The following DISP3 variants were observed in gnomAD, a reference collection of about 807,000 sequenced individuals.
DISP3 encodes the protein protein dispatched homolog 3.
A neutral mutation model predicts 135.3 loss-of-function variants in DISP3; 101 were observed. The ratio of observed to expected loss-of-function variants is 0.75; its 90% CI spans 0.64 to 0.88. The LOEUF is 0.88. DISP3 is among the 40% of genes least tolerant of loss of function. The probability of loss-of-function intolerance (pLI) is 0.00; values close to 1 mark genes in which losing one functional copy is unlikely to be tolerated. For synonymous variants in DISP3, 856 were observed against 817.0 expected (o/e 1.05, Z -0.81); for missense variants, 1,713 against 1,878.6 (o/e 0.91, Z 1.63).
chr1:11,502,555 T>G, intron 2 of DISP3, 123 bp from the exon 3 acceptor site: 1 of 758,720 alleles, frequency 1.3e-6, no homozygotes. Flanking sequence ...GGGTGGAGTT[T>G]TGGTGGATAT....
chr1:11,511,118 T>G lies in DISP3; in HGVS notation c.1317-3272T>G, dbSNP rs139087285. On this transcript the variant is annotated intron_variant, in intron 3 of 20. Transcript: ENST00000294484. ...CACATGGGAATTCTGGGAGATGCAA[T>G]TCAAGTTGAGATTTAGGTCAGGACA... is the stretch of plus-strand genomic sequence containing the variant. 6.4e-3 allele frequency among the ~76,000 whole-genome samples: 976 copies of G among 152,308 alleles called. 11 individuals carry two copies. Among genetic ancestry groups the G allele is most frequent in the African/African-American group, 0.022 (926 of 41,554 alleles).
chr1:11,515,554 C>T lies in DISP3; in HGVS notation c.1588+51C>T, dbSNP rs200669985. 18 of 1,555,282 alleles carry T rather than the reference C, an allele frequency of 1.2e-5. 1 individual carries two copies. The highest frequency in any genetic ancestry group is 8.7e-7 in the Non-Finnish European group (1 of 1,151,950). ...GTGCGCCTCCCACATGGGAAGTCTGCCCCATCCCCTTTCTCCCTGGATACA... is the reference window on the plus strand; with the variant it reads ...GTGCGCCTCCCACATGGGAAGTCTGTCCCATCCCCTTTCTCCCTGGATACA... On this transcript the variant is annotated intron_variant, in intron 5 of 20. Coordinates refer to ENST00000294484, the MANE Select transcript of DISP3 (RefSeq NM_020780.2).
chr1:11,523,951 A>G lies in DISP3; in HGVS notation c.2372A>G (p.Gln791Arg). The change falls in exon 11 of 21, where the codon CAG becomes CGG. Residue 791 changes from glutamine (Q) to arginine (R), a missense_variant. Around this residue, in one of 2 missense-constraint regions of DISP3, gnomAD observed 1,142 missense variants for 1,384.6 expected, o/e 0.82. Transcript: ENST00000294484. ...TGGCGCTGGGGGGCAGGTCTGTTCC[A>G]GGAGAAGCCCCACAGCCTGCAGAAC... is the stretch of plus-strand genomic sequence containing the variant. Reference protein sequence around the residue: ...ISCITCSGLFQEKPHSLQNNI... With the variant: ...ISCITCSGLFREKPHSLQNNI... 1 of 1,612,424 alleles carries G rather than the reference A, an allele frequency of 6.2e-7. No individual in the cohort carries two copies. The highest frequency in any genetic ancestry group is 8.5e-7 in the Non-Finnish European group (1 of 1,179,296).
rs767167574 is a variant in DISP3, at chr1:11,525,187, A to G, written c.2488A>G (p.Thr830Ala). 5.6e-6 allele frequency: 9 copies of G among 1,613,688 alleles called. No individual in the cohort carries two copies. In the South Asian group the frequency reaches 9.9e-5, roughly 18 times the overall value. Residue 830 changes from threonine to alanine, a missense_variant, in exon 12 of 21, where the codon ACC (threonine) becomes GCC (alanine). Transcript: ENST00000294484. ...TTATTTGTCCGTAGATTTCCCAGGC[A>G]CCGTGTACATCTCTAAAGTGAAGAG... ...PEATLQDFPGTVYISKVKSQG... is the reference protein window; with the variant it reads ...PEATLQDFPGAVYISKVKSQG...
At chr1:11,486,221 G>A (rs559908602) in intron 1 of DISP3, among the ~76,000 whole-genome samples, 2 of 152,268 alleles carry the variant, frequency 1.3e-5, no homozygotes, top group South Asian at 2.1e-4. Context: ...GGACATGATC[G>A]TGTGTGGGGA....
Position 11,515,995 on chromosome 1 carries a change from C to T in DISP3, c.1589-6C>T. On this transcript the variant is annotated splice_polypyrimidine_tract_variant and splice_region_variant and intron_variant, in intron 5 of 20. Coordinates refer to ENST00000294484, the MANE Select transcript of DISP3 (RefSeq NM_020780.2). ...CCTGAGCCTGGCTGGGGACTCCCTC[C>T]CACAGGTGTGGACGATGTCTTTGTG... 6.2e-7 allele frequency: 1 copy of T among 1,613,490 alleles called. No homozygotes were observed. Among genetic ancestry groups the T allele is most frequent in the Non-Finnish European group, 8.5e-7 (1 of 1,179,666 alleles).
chr1:11,522,659 AG>A (rs2100483869), intron 10 of DISP3, among the ~76,000 whole-genome samples: 1 of 134,606 alleles, frequency 7.4e-6, no homozygotes, highest in Admixed American at 7.3e-5. Context: ...GGGCCCAGCC[AG>A]AGCCCAGCCA....
intron 1 of DISP3, among the ~76,000 whole-genome samples, chr1:11,498,042 G>A (rs1641389530): frequency 6.6e-6 from 1 of 152,228 alleles, no homozygotes; most frequent in Non-Finnish European, 1.5e-5. Context: ...CTCACTGGGA[G>A]GTGGAGTGGC....
Position 11,500,176 on chromosome 1 carries a change from C to T in DISP3, c.-3-814C>T, listed in dbSNP as rs185478141. On this transcript the variant is annotated intron_variant, in intron 1 of 20. Transcript: ENST00000294484. ...TGCTGGAGCTGCATATTAAGTGGCC[C>T]GAGCCTGACAAACAGTGCTGCAGCT... Among the ~76,000 whole-genome samples, 14 of 152,312 alleles carry T rather than the reference C, an allele frequency of 9.2e-5. No individual in the cohort carries two copies. In the East Asian group the frequency reaches 2.3e-3, roughly 25 times the overall value.
intron 18 of DISP3, 29 bp downstream of exon 18, chr1:11,534,569 G>A: frequency 3.2e-6 from 5 of 1,580,438 alleles, no homozygotes; most frequent in South Asian, 1.2e-5. Context: ...CCTCCATCCT[G>A]GGTGGGCAGG....
rs747974729 is a variant in DISP3, at chr1:11,535,647, G to A, written c.3816+3G>A. 3 of 1,609,712 alleles carry A rather than the reference G, an allele frequency of 1.9e-6. No homozygotes were observed. The East Asian group carries it at 6.7e-5, about 36-fold the overall frequency. On this transcript the variant is annotated splice_donor_region_variant and intron_variant, in intron 20 of 20. Coordinates refer to ENST00000294484, the MANE Select transcript of DISP3 (RefSeq NM_020780.2). ...ACCTGCCCCCCCACCAGGCCGAGGT[G>A]CGCACCCTGCCCGCCTTACCCACTT...
At chr1:11,532,960 C>T (rs571639267) in intron 17 of DISP3, among the ~76,000 whole-genome samples, 8 of 152,270 alleles carry the variant, frequency 5.3e-5, no homozygotes, top group African/African-American at 1.7e-4. Flanking sequence ...CCCACCTCGG[C>T]CTCCCAAAGT....
chr1:11,515,330 G>T lies in DISP3; in HGVS notation c.1454-39G>T. ...CTAGTGGGGTTTGTGTCCCATGAGG[G>T]TCCCCCCACCGTCTCCCTGTGTCTC... On this transcript the variant is annotated intron_variant, in intron 4 of 20. Coordinates refer to ENST00000294484, the MANE Select transcript of DISP3 (RefSeq NM_020780.2). The T allele has an allele frequency of 3.1e-6, 5 of 1,612,610 alleles. No homozygotes were observed. In the South Asian group the frequency reaches 4.4e-5, roughly 14 times the overall value.
In DISP3 at chr1:11,534,862, C is replaced by T. The variant is rs955174224; in HGVS notation, c.3536-149C>T. 5.9e-6 allele frequency: 5 copies of T among 845,396 alleles called. No individual in the cohort carries two copies. In the Admixed American group the frequency reaches 1.0e-4, roughly 17 times the overall value. The allele number at this position is 845,396 out of a possible 1,614,324, so 52.4% of individuals were successfully genotyped here. On this transcript the variant is annotated intron_variant, in intron 18 of 20. Coordinates refer to ENST00000294484, the MANE Select transcript of DISP3 (RefSeq NM_020780.2). The stretch of plus-strand genomic sequence containing the variant: ...GCCTGACCTGTGTTCTCTTCAACTC[C>T]AAACAAGGCCGGTAGGGTAGGTCCT...
intron 10 of DISP3, among the ~76,000 whole-genome samples, 191 bp from the exon 11 acceptor site, chr1:11,523,751 C>T (rs955581865): frequency 2.6e-5 from 4 of 152,102 alleles, no homozygotes; most frequent in Non-Finnish European, 4.4e-5. Flanking sequence ...GCCTAAAATT[C>T]CTATAAATTT....
chr1:11,497,765 T>A (rs1029011090), intron 1 of DISP3, among the ~76,000 whole-genome samples: 5 of 152,206 alleles, frequency 3.3e-5, no homozygotes, highest in African/African-American at 1.2e-4. Context: ...TGCTTGGTTT[T>A]CCATTTCTGA....
chr1:11,521,633 AG>A (rs1008140075), intron 10 of DISP3, among the ~76,000 whole-genome samples: 1 of 74,378 alleles, frequency 1.3e-5, no homozygotes, highest in Admixed American at 1.8e-4. Flanking sequence ...CCAGGCTGGG[AG>A]GGGAGAGGAG....
intron 1 of DISP3, among the ~76,000 whole-genome samples, chr1:11,498,990 A>G (rs1641421704): frequency 6.6e-6 from 1 of 152,086 alleles, no homozygotes; most frequent in African/African-American, 2.4e-5. Context: ...TACCAGGCAA[A>G]ATCTAGTGAG....
Position 11,529,675 on chromosome 1 carries a change from C to T in DISP3, c.2918C>T (p.Pro973Leu), listed in dbSNP as rs753307258. Residue 973 changes from proline (P) to leucine (L), a missense_variant, in exon 14 of 21, where the codon CCT becomes CTT. Pro to Leu is a moderately conservative substitution (Grantham distance 98). Transcript: ENST00000294484. The surrounding 1 kb of genome is among the most constrained non-coding windows in gnomAD (Gnocchi z 4.7). ...DGPTKGFFFV[P>L]SEKVPKARLS... The stretch of plus-strand genomic sequence containing the variant: ...CCTACCAAAGGCTTCTTCTTCGTGC[C>T]TAGTGAGAAAGGTACGGCAAGGGCA... 2 of 1,606,312 alleles carry T rather than the reference C, an allele frequency of 1.2e-6. No homozygotes were observed. The highest frequency in any genetic ancestry group is 1.7e-6 in the Non-Finnish European group (2 of 1,173,982).
Sources: gnomAD v4.1 joint callset for allele counts (sites outside exome capture counted in the v4.1 genomes callset) on GRCh38, gnomAD v4.1.1 for gene constraint, gnomAD v4.1.1 regional missense constraint, Gnocchi (gnomAD v3.1) non-coding constraint, MANE v1.5 for transcripts, NCBI Gene and HGNC (gene_info 2026-07-23, HGNC 2026-07-21) for gene names.